Variants in MYO3A observed in about 807,000 individuals in gnomAD.
The protein encoded by MYO3A is myosin-IIIa.
Under a neutral mutation model 192.7 loss-of-function variants are expected in MYO3A, and 180 were observed. The observed-to-expected ratio is 0.93, with a 90% CI of 0.83 to 1.06. MYO3A has a LOEUF of 1.06. Among genes scored for constraint, MYO3A ranks in the 50% least tolerant of loss-of-function variants. The pLI, the probability that MYO3A is intolerant of heterozygous loss-of-function variation, is 0.00. For synonymous variants in MYO3A, 628 were observed against 645.3 expected, an observed-to-expected ratio of 0.97 and a Z score of 0.41; for missense variants, 1,896 against 1,905.0, an observed-to-expected ratio of 1.00 and a Z score of 0.09.
At chr10:26,011,278 A>C (rs1269394046) in intron 6 of MYO3A, among the ~76,000 whole-genome samples, 1 of 152,132 alleles carries the variant, frequency 6.6e-6, no homozygotes, top group Non-Finnish European at 1.5e-5. Context: ...AAAATACAAA[A>C]TAAAAGTCAG....
At position 26,026,484 on chromosome 10, in the gene MYO3A, C is replaced by T. The variant is rs753270542; in HGVS notation, c.905C>T (p.Thr302Met). The change falls in exon 10 of 35, where the codon ACG (threonine) becomes ATG (methionine). Residue 302 changes from threonine to methionine, a missense_variant. Thr to Met is a moderately conservative substitution (Grantham distance 81). Coordinates refer to ENST00000642920, the MANE Select transcript of MYO3A (RefSeq NM_017433.5). ...GKDVMLQKQL[T>M]EFIGIHQCMG... ...GATGTGATGCTACAAAAACAACTAA[C>T]GGAATTCATTGGCATCCATCAATGC... 1.4e-5 allele frequency: 22 copies of T among 1,613,970 alleles called. No individual in the cohort carries two copies. Among genetic ancestry groups the T allele is most frequent in the East Asian group, 4.5e-5 (2 of 44,870 alleles).
At chr10:25,992,640 G>T (rs1383560009) in intron 4 of MYO3A, among the ~76,000 whole-genome samples, 1 of 152,210 alleles carries the variant, frequency 6.6e-6, no homozygotes, top group East Asian at 1.9e-4. Flanking sequence ...GATATTGGCT[G>T]TGGGTTTGTC....
At chr10:26,171,811 G>A (rs1842059753) in intron 29 of MYO3A, among the ~76,000 whole-genome samples, 1 of 152,128 alleles carries the variant, frequency 6.6e-6, no homozygotes, top group East Asian at 1.9e-4. Flanking sequence ...AAGAAAGATG[G>A]ACTAATTGTA....
At chr10:26,012,191 A>C (rs576730928) in intron 6 of MYO3A, among the ~76,000 whole-genome samples, 1 of 152,168 alleles carries the variant, frequency 6.6e-6, no homozygotes, top group African/African-American at 2.4e-5. Context: ...CAGGAACAAG[A>C]CAAGTAGGCC....
intron 34 of MYO3A, chr10:26,204,397 AC>A (rs1843811269): frequency 6.6e-6 from 1 of 152,218 alleles, no homozygotes; most frequent in Non-Finnish European, 1.5e-5. Context: ...TGGCAGATAC[AC>A]ATCTGCTATG....
intron 34 of MYO3A, among the ~76,000 whole-genome samples, chr10:26,205,667 A>G (rs1244571623): frequency 8.1e-6 from 1 of 124,060 alleles, no homozygotes; most frequent in African/African-American, 3.3e-5. Context: ...CCCAGGCTGG[A>G]ATGCAGTGGC....
chr10:26,173,767 C>T lies in MYO3A; in HGVS notation c.3503C>T (p.Thr1168Ile), dbSNP rs773735595. 50 of 1,613,994 alleles carry T rather than the reference C, an allele frequency of 3.1e-5. No individual in the cohort carries two copies. Among genetic ancestry groups the T allele is most frequent in the Admixed American group, 3.3e-5 (2 of 60,004 alleles). Residue 1168 changes from threonine (T) to isoleucine (I), a missense_variant, in exon 30 of 35, where the codon ACT becomes ATT. Coordinates refer to ENST00000642920, the MANE Select transcript of MYO3A (RefSeq NM_017433.5). ...KGSVSVVKTSTFKPEEETTNA... is the reference protein window; with the variant it reads ...KGSVSVVKTSIFKPEEETTNA... ...AGTGTATCTGTAGTGAAGACTTCCA[C>T]TTTCAAACCTGAAGAGGAAACCACC...
intron 4 of MYO3A, among the ~76,000 whole-genome samples, chr10:25,985,255 A>AAAAAAAAG (rs745441105): frequency 1.4e-5 from 2 of 147,456 alleles, no homozygotes; most frequent in African/African-American, 5.2e-5. Flanking sequence ...AAAAAAAAAA[A>AAAAAAAAG]AAATTCTGAA....
intron 18 of MYO3A, among the ~76,000 whole-genome samples, chr10:26,122,277 C>T (rs1465220712): frequency 2.0e-5 from 3 of 152,114 alleles, no homozygotes; most frequent in African/African-American, 7.2e-5. Context: ...ATATAAGTTA[C>T]AAAATGTTGA....
intron 17 of MYO3A, among the ~76,000 whole-genome samples, chr10:26,111,011 A>T (rs1838144503): frequency 6.6e-6 from 1 of 151,524 alleles, no homozygotes; most frequent in South Asian, 2.1e-4. Context: ...ACTATAGGTG[A>T]TTACAACCAT....
At chr10:26,150,138 T>C (rs2105344) in intron 23 of MYO3A, among the ~76,000 whole-genome samples, 106,930 of 151,932 alleles carry the variant, frequency 0.7, 37,749 homozygotes, top group Middle Eastern at 0.75. Flanking sequence ...AACAATGCTG[T>C]ATCTGTTAAA....
intron 10 of MYO3A, among the ~76,000 whole-genome samples, chr10:26,063,139 A>C (rs2131352167): frequency 6.6e-6 from 1 of 152,226 alleles, no homozygotes; most frequent in South Asian, 2.1e-4. Flanking sequence ...TGTGACCAGA[A>C]ATCTGCAACA....
chr10:26,094,792 A>T (rs1836913644), intron 15 of MYO3A, among the ~76,000 whole-genome samples: 1 of 152,190 alleles, frequency 6.6e-6, no homozygotes, highest in South Asian at 2.1e-4. Flanking sequence ...TGCATAATAT[A>T]CAGGGGGAGA....
intron 6 of MYO3A, among the ~76,000 whole-genome samples, chr10:26,012,701 A>G (rs1841744155): frequency 6.6e-6 from 1 of 152,200 alleles, no homozygotes; most frequent in South Asian, 2.1e-4. Context: ...ATTCCCATCA[A>G]AATACCAATA....
chr10:25,995,956 C>T (rs1399715926), intron 4 of MYO3A, among the ~76,000 whole-genome samples: 1 of 152,206 alleles, frequency 6.6e-6, no homozygotes. Context: ...GGTCAGGGAC[C>T]CACTTGAGGA....
At chr10:26,034,359 C>G (rs902335286) in intron 10 of MYO3A, among the ~76,000 whole-genome samples, 7 of 152,208 alleles carry the variant, frequency 4.6e-5, no homozygotes, top group African/African-American at 1.7e-4. Flanking sequence ...ATCCCAACCC[C>G]TGCCTTGGAC....
chr10:26,016,978 G>A lies in MYO3A; in HGVS notation c.585+82G>A, dbSNP rs571951102. 5.1e-6 allele frequency: 7 copies of A among 1,368,284 alleles called. No homozygotes were observed. The East Asian group carries it at 1.6e-4, about 32-fold the overall frequency. 84.8% of individuals were successfully genotyped at this position (1,368,284 alleles called of 1,614,324 possible). On this transcript the variant is annotated intron_variant, in intron 7 of 34. Transcript: ENST00000642920. ...TTTTATGTGTACTCTATCTCTGTAA[G>A]CATTTTGGAATATAACAGAAGAAAC...
At chr10:25,991,352 A>G (rs1840017011) in intron 4 of MYO3A, among the ~76,000 whole-genome samples, 1 of 152,018 alleles carries the variant, frequency 6.6e-6, no homozygotes, top group African/African-American at 2.4e-5. Flanking sequence ...CCACTTGTTG[A>G]TGGGGTTGTT....
chr10:26,207,883 T>C (rs1296431039), intron 34 of MYO3A, among the ~76,000 whole-genome samples: 1 of 152,226 alleles, frequency 6.6e-6, no homozygotes, highest in Non-Finnish European at 1.5e-5. Flanking sequence ...ATTTTACCAA[T>C]ATTAATTATT....
Sources: allele counts gnomAD v4.1 joint callset (sites outside exome capture counted in the v4.1 genomes callset), GRCh38; gene constraint gnomAD v4.1.1; transcripts MANE v1.5; gene names NCBI Gene and HGNC (gene_info 2026-07-23, HGNC 2026-07-21).